FAM107B: variants seen among roughly 807,000 people sequenced by gnomAD.
FAM107B encodes the protein protein FAM107B.
Under a neutral mutation model 31.5 loss-of-function variants are expected in FAM107B, and 21 were observed. That is an observed-to-expected ratio of 0.67 (90% CI 0.47 to 0.96). FAM107B has a LOEUF of 0.96. Ranked by LOEUF, FAM107B falls within the 40% of genes least tolerant of loss-of-function variation. The pLI, the probability that FAM107B is intolerant of heterozygous loss-of-function variation, is 0.00. For missense variants in FAM107B, 452 were observed against 377.1 expected, an observed-to-expected ratio of 1.20 and a Z score of -1.64; for synonymous variants, 157 against 141.5, an observed-to-expected ratio of 1.11 and a Z score of -0.78.
chr10:14,599,134 C>T (rs752364394), intron 2 of FAM107B, among the ~76,000 whole-genome samples: 15 of 152,310 alleles, frequency 9.8e-5, no homozygotes, highest in East Asian at 3.9e-4. Flanking sequence ...CTGCCATGGT[C>T]GGAAGAGCCA....
Position 14,761,780 on chromosome 10 carries a change from T to G in FAM107B, c.411+12473A>C, listed in dbSNP as rs375064592. On this transcript the variant is annotated intron_variant, in intron 1 of 4. Coordinates refer to ENST00000181796, the MANE Select transcript of FAM107B (RefSeq NM_031453.4). The stretch of plus-strand genomic sequence containing the variant: ...ACCTGGCTAATTTTTGTATTTTTAG[T>G]AGAGGGGGGGGTTTCACCATGTTGG... 7.1e-3 allele frequency among the ~76,000 whole-genome samples: 1,078 copies of G among 151,054 alleles called. 15 individuals are homozygous for G. The highest frequency in any genetic ancestry group is 0.026 in the African/African-American group (1,036 of 40,532).
chr10:14,659,368 G>C (rs974407731), intron 2 of FAM107B, among the ~76,000 whole-genome samples: 3 of 152,114 alleles, frequency 2.0e-5, no homozygotes, highest in African/African-American at 7.2e-5. Context: ...TGGTGGGGAG[G>C]GGGCAGAGGT....
chr10:14,607,361 A>C (rs1407027089), intron 2 of FAM107B, among the ~76,000 whole-genome samples: 1 of 152,190 alleles, frequency 6.6e-6, no homozygotes. Context: ...AGGGAATCTT[A>C]GTGGGATTTT....
In FAM107B at chr10:14,606,349, G is replaced by A. The variant is rs532828246; in HGVS notation, c.469+61285C>T. On this transcript the variant is annotated intron_variant, in intron 2 of 4. Transcript: ENST00000181796. ...TGCTCACACTAAATGGATCTTTTCTGCCCCTCCCATACCCGACATGGTATT... is the reference window on the plus strand; with the variant it reads ...TGCTCACACTAAATGGATCTTTTCTACCCCTCCCATACCCGACATGGTATT... Among the ~76,000 whole-genome samples, 5 of 152,114 alleles carry A rather than the reference G, an allele frequency of 3.3e-5. No individual in the cohort carries two copies. In the South Asian group the frequency reaches 1.0e-3, roughly 32 times the overall value.
intron 2 of FAM107B, among the ~76,000 whole-genome samples, chr10:14,629,307 AAT>A (rs1491250157): frequency 2.8e-5 from 2 of 70,962 alleles, no homozygotes; most frequent in African/African-American, 5.5e-5. Flanking sequence ...ATAAATATAT[AAT>A]ATATATAATA....
At position 14,536,279 on chromosome 10, in the gene FAM107B, A is replaced by G. The variant is rs553524214; in HGVS notation, c.470-5764T>C. Among the ~76,000 whole-genome samples the G allele has an allele frequency of 2.4e-4, 36 of 152,386 alleles. No homozygotes were observed. The East Asian group carries it at 6.6e-3, about 28-fold the overall frequency. On this transcript the variant is annotated intron_variant, in intron 2 of 4. Transcript: ENST00000181796. ...TCTCTTGGCACGTGGCAACGTGTACAGTTTACAGGTGCGCTACCACCAACC... is the reference window on the plus strand; with the variant it reads ...TCTCTTGGCACGTGGCAACGTGTACGGTTTACAGGTGCGCTACCACCAACC...
At position 14,691,471 on chromosome 10, in the gene FAM107B, C is replaced by T. The variant is rs185017409; in HGVS notation, c.412-23780G>A. 5.3e-4 allele frequency among the ~76,000 whole-genome samples: 80 copies of T among 152,300 alleles called. No homozygotes were observed. In the East Asian group the frequency reaches 0.014, roughly 26 times the overall value. ...GCTTCGGGGTCGAAACTTCCGTAAT[C>T]ACAAAGGCCCAGTATGAGCCAGGCA... is the stretch of plus-strand genomic sequence containing the variant. On this transcript the variant is annotated intron_variant, in intron 1 of 4. Coordinates refer to ENST00000181796, the MANE Select transcript of FAM107B (RefSeq NM_031453.4).
At chr10:14,557,655 G>A (rs971477912) in intron 2 of FAM107B, among the ~76,000 whole-genome samples, 2 of 152,202 alleles carry the variant, frequency 1.3e-5, no homozygotes, top group East Asian at 1.9e-4. Flanking sequence ...GTTAACATTC[G>A]AAGTGCTTAC....
At chr10:14,773,321 A>G (rs547196586) in intron 1 of FAM107B, among the ~76,000 whole-genome samples, 48 of 152,352 alleles carry the variant, frequency 3.2e-4, no homozygotes, top group Middle Eastern at 3.4e-3. Flanking sequence ...TCTGTGAAGC[A>G]AGCCAGACCA....
At chr10:14,711,341 A>G (rs919210291) in intron 1 of FAM107B, among the ~76,000 whole-genome samples, 7 of 152,224 alleles carry the variant, frequency 4.6e-5, no homozygotes, top group East Asian at 1.9e-4. Context: ...GGCAACTTCC[A>G]GTCCTGCAAG....
chr10:14,718,265 T>A (rs1855825973), intron 1 of FAM107B, among the ~76,000 whole-genome samples: 1 of 151,998 alleles, frequency 6.6e-6, no homozygotes, highest in South Asian at 2.1e-4. Context: ...AGGCGGAGGT[T>A]GCAGTGAGCC....
chr10:14,712,713 G>A (rs1392525572), intron 1 of FAM107B, among the ~76,000 whole-genome samples: 1 of 152,152 alleles, frequency 6.6e-6, no homozygotes, highest in Non-Finnish European at 1.5e-5. Flanking sequence ...ACCATTGCTG[G>A]GAAGAGGTTT....
At chr10:14,522,200 AGAG>A (rs1845723383) in intron 3 of FAM107B, 181 bp from the exon 4 acceptor site, 9 of 735,202 alleles carry the variant, frequency 1.2e-5, no homozygotes, top group East Asian at 2.7e-5. Context: ...AAGAAAGGCA[AGAG>A]GAGATCTCCA....
chr10:14,590,418 T>C (rs1265376033), intron 2 of FAM107B, among the ~76,000 whole-genome samples: 1 of 152,190 alleles, frequency 6.6e-6, no homozygotes, highest in African/African-American at 2.4e-5. Flanking sequence ...AAACAACACA[T>C]TGTGGCAAAA....
chr10:14,582,418 C>T (rs1851667248), intron 2 of FAM107B, among the ~76,000 whole-genome samples: 1 of 127,424 alleles, frequency 7.8e-6, no homozygotes, highest in African/African-American at 2.9e-5. Flanking sequence ...ACTCTGTTGC[C>T]CAGGCTGGAG....
At position 14,745,188 on chromosome 10, in the gene FAM107B, C is replaced by T. The variant is rs186639574; in HGVS notation, c.411+29065G>A. ...ATTTTTTATTGTCTATTTGGTTCTT[C>T]TCTCTTTTCTTCTTTGTTAGTCTAG... On this transcript the variant is annotated intron_variant, in intron 1 of 4. Transcript: ENST00000181796. Among the ~76,000 whole-genome samples, 588 of 151,936 alleles carry T rather than the reference C, an allele frequency of 3.9e-3. 14 individuals are homozygous for T. Among genetic ancestry groups the T allele is most frequent in the Admixed American group, 0.037 (570 of 15,266 alleles).
intron 1 of FAM107B, among the ~76,000 whole-genome samples, chr10:14,720,085 C>G (rs1855875769): frequency 6.6e-6 from 1 of 152,116 alleles, no homozygotes; most frequent in East Asian, 1.9e-4. Flanking sequence ...TCAGGCAAGT[C>G]ACAACCTCTT....
chr10:14,681,062 G>T (rs1379137535), intron 1 of FAM107B, among the ~76,000 whole-genome samples: 1 of 152,168 alleles, frequency 6.6e-6, no homozygotes, highest in Non-Finnish European at 1.5e-5. Flanking sequence ...TGTGTAGAAT[G>T]CTAGGTGACT....
At chr10:14,555,111 T>TA (rs975879922) in intron 2 of FAM107B, among the ~76,000 whole-genome samples, 3 of 152,202 alleles carry the variant, frequency 2.0e-5, no homozygotes, top group Non-Finnish European at 4.4e-5. Context: ...CTAATTATTA[T>TA]AAAAACTATC....
Sources: gnomAD v4.1 joint callset for allele counts (sites outside exome capture counted in the v4.1 genomes callset) on GRCh38, gnomAD v4.1.1 for gene constraint, MANE v1.5 for transcripts, NCBI Gene and HGNC (gene_info 2026-07-23, HGNC 2026-07-21) for gene names.